PGM2: variants seen among roughly 807,000 people sequenced by gnomAD.
PGM2 encodes phosphoglucomutase 2, also known as phosphopentomutase.
Under a neutral mutation model 74.6 loss-of-function variants are expected in PGM2, and 57 were observed. That is an observed-to-expected ratio of 0.76 (90% CI 0.62 to 0.95). PGM2 has a LOEUF of 0.95. PGM2 is among the 40% of genes least tolerant of loss of function. The probability of loss-of-function intolerance (pLI) is 0.00; values close to 1 mark genes in which losing one functional copy is unlikely to be tolerated. For missense variants in PGM2, 706 were observed against 741.9 expected, an observed-to-expected ratio of 0.95 and a Z score of 0.56; for synonymous variants, 273 against 260.7, an observed-to-expected ratio of 1.05 and a Z score of -0.46.
chr4:37,855,799 TATTCA>T, intron 13 of PGM2, 58 bp downstream of exon 13: 1 of 1,412,330 alleles, frequency 7.1e-7, no homozygotes, highest in South Asian at 1.4e-5. Flanking sequence ...TAACTGGTTC[TATTCA>T]AATGCCAAGT....
intron 10 of PGM2, 130 bp downstream of exon 10, chr4:37,847,425 T>G (rs893400543): frequency 2.4e-5 from 15 of 632,132 alleles, no homozygotes; most frequent in Non-Finnish European, 3.8e-5. Flanking sequence ...AATGTCGAAC[T>G]GTCCTACTCC....
intron 6 of PGM2, among the ~76,000 whole-genome samples, chr4:37,841,246 G>GTC (rs1169490160): frequency 2.7e-5 from 4 of 149,006 alleles, no homozygotes; most frequent in African/African-American, 1.0e-4. Context: ...TCCTGTGTTA[G>GTC]TCCCTATTAG....
chr4:37,835,040 C>T (rs1725530937), intron 3 of PGM2, among the ~76,000 whole-genome samples: 1 of 152,088 alleles, frequency 6.6e-6, no homozygotes, highest in Non-Finnish European at 1.5e-5. Context: ...CTCATGACCC[C>T]CTTCCCTCTC....
At chr4:37,842,553 TTTTTC>T (rs1304048954) in intron 6 of PGM2, among the ~76,000 whole-genome samples, 2 of 72,276 alleles carry the variant, frequency 2.8e-5, no homozygotes, top group African/African-American at 9.7e-5. Context: ...ATCTTTCTTT[TTTTTC>T]TTTTTTGACT....
chr4:37,837,805 C>T (rs1161219581), intron 4 of PGM2, among the ~76,000 whole-genome samples, 192 bp downstream of exon 4: 1 of 152,158 alleles, frequency 6.6e-6, no homozygotes, highest in Non-Finnish European at 1.5e-5. Context: ...TGGTATTCAA[C>T]TTTTGATTCA....
Position 37,840,964 on chromosome 4 carries a change from G to GTGTGTA in PGM2, c.719+706_719+707insGTGTAT, listed in dbSNP as rs1223965990. Among the ~76,000 whole-genome samples, 8 of 140,014 alleles carry GTGTGTA rather than the reference G, an allele frequency of 5.7e-5. No homozygotes were observed. In the East Asian group the frequency reaches 8.1e-4, roughly 14 times the overall value. The allele number at this position is 140,014 out of a possible 152,430, so 91.9% of individuals were successfully genotyped here. ...TACATGTAAGTGTGTGTGTGTGTGTGTATATATATATATATATATGTATGT... is the reference window on the plus strand; with the variant it reads ...TACATGTAAGTGTGTGTGTGTGTGTGTGTGTATATATATATATATATATATGTATGT... On this transcript the variant is annotated intron_variant, in intron 6 of 13. Coordinates refer to ENST00000381967, the MANE Select transcript of PGM2 (RefSeq NM_018290.4).
chr4:37,845,304 G>T (rs918871176), intron 7 of PGM2, among the ~76,000 whole-genome samples: 2 of 152,184 alleles, frequency 1.3e-5, no homozygotes, highest in African/African-American at 2.4e-5. Context: ...TGTTTTATTT[G>T]TGAGGCTGAT....
rs756559723 is a variant in PGM2, at chr4:37,844,353, T to A, written c.720-11T>A. ...GCCTTGTATCATTTTCCACTGTGTA[T>A]CTGATTCTAGGAGCGTGAACAGGGA... is the stretch of plus-strand genomic sequence containing the variant. On this transcript the variant is annotated splice_polypyrimidine_tract_variant and intron_variant, in intron 6 of 13. Transcript: ENST00000381967. 3 of 1,582,348 alleles carry A rather than the reference T, an allele frequency of 1.9e-6. No homozygotes were observed. Among genetic ancestry groups the A allele is most frequent in the Middle Eastern group, 1.7e-4 (1 of 5,968 alleles).
chr4:37,861,712 G>A lies in PGM2; in HGVS notation c.*100G>A, dbSNP rs1435515534. On this transcript the variant is annotated 3_prime_UTR_variant, in exon 14 of 14. Transcript: ENST00000381967. The stretch of plus-strand genomic sequence containing the variant: ...GGGCCAAATGATTCAAAACATCACA[G>A]GTATTTATGTGTTTTACAAAGACCT... 6 of 723,714 alleles carry A rather than the reference G, an allele frequency of 8.3e-6. No homozygotes were observed. Among genetic ancestry groups the A allele is most frequent in the Non-Finnish European group, 1.5e-5 (6 of 397,096 alleles). 44.8% of individuals were successfully genotyped at this position (723,714 alleles called of 1,614,324 possible). A position where few individuals can be genotyped will look rare whatever the true frequency, so the allele number is the denominator to read the frequency against.
intron 4 of PGM2, 70 bp downstream of exon 4, chr4:37,837,683 T>A: frequency 4.3e-6 from 4 of 925,756 alleles, no homozygotes; most frequent in Non-Finnish European, 7.2e-6. Flanking sequence ...AATTTTATAG[T>A]CTTTAGGGCT....
At chr4:37,841,343 T>C (rs1330570670) in intron 6 of PGM2, among the ~76,000 whole-genome samples, 1 of 151,908 alleles carries the variant, frequency 6.6e-6, no homozygotes, top group Non-Finnish European at 1.5e-5. Flanking sequence ...TAGGAAGAGG[T>C]GTAGCAGAGT....
intron 12 of PGM2, among the ~76,000 whole-genome samples, chr4:37,853,401 C>T (rs1002892195): frequency 6.8e-6 from 1 of 147,184 alleles, no homozygotes; most frequent in Non-Finnish European, 1.5e-5. Flanking sequence ...CAATATCTTA[C>T]CTCTCTAAGG....
Position 37,861,502 on chromosome 4 carries a change from T to C in PGM2, c.1737-8T>C. 6.3e-7 allele frequency: 1 copy of C among 1,595,758 alleles called. No homozygotes were observed. Among genetic ancestry groups the C allele is most frequent in the Non-Finnish European group, 8.6e-7 (1 of 1,163,748 alleles). On this transcript the variant is annotated splice_polypyrimidine_tract_variant and splice_region_variant and intron_variant, in intron 13 of 13. Coordinates refer to ENST00000381967, the MANE Select transcript of PGM2 (RefSeq NM_018290.4). The stretch of plus-strand genomic sequence containing the variant: ...TTGACCTGGATTTTTTTCCCCCTTA[T>C]TTTCCAGTGATCCTGAGCAGCTGAA...
chr4:37,856,241 C>T (rs1232069192), intron 13 of PGM2, among the ~76,000 whole-genome samples: 3 of 151,820 alleles, frequency 2.0e-5, no homozygotes, highest in East Asian at 1.9e-4. Context: ...AAAAATTAGC[C>T]GGGCGTGGTG....
Position 37,847,116 on chromosome 4 carries a change from G to A in PGM2, c.1188+5G>A. Reference sequence around the variant, plus strand: ...AAGGAAGGTTTTCATTTTGAGGTAGGGTGTTTCTGGGACTCACTCATTTTC... The same window carrying A: ...AAGGAAGGTTTTCATTTTGAGGTAGAGTGTTTCTGGGACTCACTCATTTTC... On this transcript the variant is annotated splice_donor_5th_base_variant and intron_variant, in intron 9 of 13. Coordinates refer to ENST00000381967, the MANE Select transcript of PGM2 (RefSeq NM_018290.4). 1 of 1,610,642 alleles carries A rather than the reference G, an allele frequency of 6.2e-7. No individual in the cohort carries two copies.
At chr4:37,831,900 ATCC>A (rs2152174562) in intron 2 of PGM2, among the ~76,000 whole-genome samples, 1 of 152,366 alleles carries the variant, frequency 6.6e-6, no homozygotes, top group African/African-American at 2.4e-5. Flanking sequence ...TCTTTGGACA[ATCC>A]AGTTGGTTAC....
intron 3 of PGM2, among the ~76,000 whole-genome samples, chr4:37,837,072 T>C (rs1232441373): frequency 6.6e-6 from 1 of 152,100 alleles, no homozygotes; most frequent in Non-Finnish European, 1.5e-5. Context: ...CATTGTAAGG[T>C]GTTCAGCAGC....
rs775269329 is a variant in PGM2, at chr4:37,850,325, T to C, written c.1554T>C (p.Ile518=). 1.9e-6 allele frequency: 3 copies of C among 1,588,388 alleles called. No homozygotes were observed. Among genetic ancestry groups the C allele is most frequent in the Admixed American group, 1.9e-5 (1 of 52,132 alleles). Residue 518 remains isoleucine, a synonymous_variant, in exon 12 of 14, where the codon ATT becomes ATC. Transcript: ENST00000381967. ...GTGGCAAATTTGAAATTTCTGCCAT[T>C]AGGGACCTTACAACTGGCTATGATG... ...KACGKFEISA[I]RDLTTGYDDS... is the part of the protein sequence containing the mutation.
At chr4:37,853,564 C>A (rs1349767291) in intron 12 of PGM2, among the ~76,000 whole-genome samples, 1 of 151,836 alleles carries the variant, frequency 6.6e-6, no homozygotes, top group East Asian at 1.9e-4. Flanking sequence ...CTTAATTTTC[C>A]TTTGGGCACC....
Sources: allele counts gnomAD v4.1 joint callset (sites outside exome capture counted in the v4.1 genomes callset), GRCh38; gene constraint gnomAD v4.1.1; transcripts MANE v1.5; gene names NCBI Gene and HGNC (gene_info 2026-07-23, HGNC 2026-07-21).